MACROH2A1: variants seen among roughly 807,000 people sequenced by gnomAD.
MACROH2A1 encodes macroH2A.1 histone.
In MACROH2A1, 2 loss-of-function variants were observed where a neutral mutation model predicts 31.6. The observed-to-expected ratio is 0.06, with a 90% CI of 0.03 to 0.20. The LOEUF (loss-of-function observed/expected upper bound fraction) is 0.20, where lower values mean the gene tolerates loss of function less well. Among genes scored for constraint, MACROH2A1 ranks in the 10% least tolerant of loss-of-function variants. MACROH2A1 has a pLI of 1.00. For synonymous variants in MACROH2A1, 169 were observed against 189.6 expected (o/e 0.89, Z 0.89); for missense variants, 230 against 474.0 (o/e 0.49, Z 4.78).
At chr5:135,376,801 C>T (rs1013890509) in intron 2 of MACROH2A1, among the ~76,000 whole-genome samples, 5 of 152,160 alleles carry the variant, frequency 3.3e-5, no homozygotes, top group Admixed American at 2.0e-4. Flanking sequence ...TAAATTCAAG[C>T]TACTACTGTT....
At chr5:135,339,510 G>C (rs1371076028) in intron 8 of MACROH2A1, among the ~76,000 whole-genome samples, 2 of 152,184 alleles carry the variant, frequency 1.3e-5, no homozygotes, top group East Asian at 3.8e-4. Flanking sequence ...CAGCAGGAGA[G>C]GCTGTATCCT....
intron 5 of MACROH2A1, chr5:135,358,783 A>G (rs1434120520): frequency 1.0e-6 from 1 of 980,256 alleles, no homozygotes; most frequent in African/African-American, 1.8e-5. Context: ...TGAGTAGGGA[A>G]CAGTCATTAT....
Position 135,369,682 on chromosome 5 carries a change from C to G in MACROH2A1, c.280-79G>C. 8.3e-7 allele frequency: 1 copy of G among 1,201,554 alleles called. No individual in the cohort carries two copies. The highest frequency in any genetic ancestry group is 1.2e-6 in the Non-Finnish European group (1 of 815,956). The allele number at this position is 1,201,554 out of a possible 1,614,324, so 74.4% of individuals were successfully genotyped here. On this transcript the variant is annotated intron_variant, in intron 3 of 8. Coordinates refer to ENST00000511689, the MANE Select transcript of MACROH2A1 (RefSeq NM_138610.3). The surrounding 1 kb of genome is among the most constrained non-coding windows in gnomAD (Gnocchi z 4.3). ...TTCAAGAAGCCAGCCCTGCCCAGGA[C>G]AGTCTTGCTTTGGGTTGGTGCAGCT... is the stretch of plus-strand genomic sequence containing the variant.
chr5:135,345,367 G>A (rs1215309223), intron 7 of MACROH2A1: 1 of 152,334 alleles, frequency 6.6e-6, no homozygotes, highest in Non-Finnish European at 1.5e-5. Flanking sequence ...TCACACAGTT[G>A]GTGGGGGAGC....
At chr5:135,359,167 T>C (rs1581214381) in intron 5 of MACROH2A1, 3 of 985,338 alleles carry the variant, frequency 3.0e-6, no homozygotes, top group South Asian at 4.7e-5. Flanking sequence ...AACAAGAACA[T>C]AGGCAGGGGA....
intron 2 of MACROH2A1, 126 bp downstream of exon 2, chr5:135,388,796 C>T (rs530738924): frequency 1.3e-6 from 1 of 748,910 alleles, no homozygotes; most frequent in East Asian, 2.7e-5. Flanking sequence ...TCCTTGTACT[C>T]TTCTTGTAAC....
rs151154077 is a variant in MACROH2A1 at position 135,343,341 on chromosome 5, T to G, written c.872A>C (p.Glu291Ala). The change falls in exon 8 of 9, where the codon GAA (glutamate) becomes GCA (alanine). Residue 291 changes from glutamate to alanine, a missense_variant. Physicochemically the swap from Glu to Ala is moderately radical, Grantham distance 107. Transcript: ENST00000511689. ...GGCCAAGCAGTTTTTCACTGTCTTT[T>G]CCAGAAGTTCTTCACACTTGTCTGC... ...WGADKCEELL[E>A]KTVKNCLALA... is the part of the protein sequence containing the mutation. 2 of 1,614,238 alleles carry G rather than the reference T, an allele frequency of 1.2e-6. No homozygotes were observed. The highest frequency in any genetic ancestry group is 8.5e-7 in the Non-Finnish European group (1 of 1,180,034).
chr5:135,338,255 G>A (rs1759139635), intron 8 of MACROH2A1, among the ~76,000 whole-genome samples: 2 of 152,196 alleles, frequency 1.3e-5, no homozygotes, highest in African/African-American at 4.8e-5. Flanking sequence ...GAAGCAGAGT[G>A]GTTAAGAGCT....
chr5:135,344,015 T>TCAC (rs1486526758), intron 7 of MACROH2A1: 1 of 155,202 alleles, frequency 6.4e-6, no homozygotes, highest in Non-Finnish European at 1.4e-5. Context: ...GAGGATGGCC[T>TCAC]CACTGTGTGA....
At chr5:135,359,471 T>C in intron 5 of MACROH2A1, 1 of 983,386 alleles carries the variant, frequency 1.0e-6, no homozygotes, top group East Asian at 1.1e-4. Context: ...GCATACAAAA[T>C]ACAAAGAATG....
At chr5:135,381,817 C>T (rs1765691436) in intron 2 of MACROH2A1, among the ~76,000 whole-genome samples, 2 of 152,160 alleles carry the variant, frequency 1.3e-5, no homozygotes, top group African/African-American at 4.8e-5. Context: ...CATGAATTAA[C>T]AACATGACTG....
intron 4 of MACROH2A1, among the ~76,000 whole-genome samples, chr5:135,367,032 T>C (rs113024920): frequency 0.034 from 5,138 of 152,286 alleles, 308 homozygotes; most frequent in African/African-American, 0.12. Context: ...CTCCAAATTA[T>C]GTAGAATTGT....
intron 4 of MACROH2A1, chr5:135,362,191 T>C (rs1014448967): frequency 8.5e-5 from 13 of 152,202 alleles, no homozygotes; most frequent in African/African-American, 2.9e-4. Flanking sequence ...CAATACCTAA[T>C]TGAGTTAACA....
intron 2 of MACROH2A1, among the ~76,000 whole-genome samples, chr5:135,381,855 A>C (rs1391272466): frequency 1.3e-5 from 2 of 152,222 alleles, no homozygotes; most frequent in Non-Finnish European, 2.9e-5. Context: ...AGACAGAGTA[A>C]AATACTAACG....
intron 8 of MACROH2A1, among the ~76,000 whole-genome samples, chr5:135,340,041 A>AGTGTT (rs1486121781): frequency 6.6e-6 from 1 of 152,224 alleles, no homozygotes; most frequent in Non-Finnish European, 1.5e-5. Context: ...GTTCCCAGGT[A>AGTGTT]GTGTTTTATG....
At chr5:135,379,975 G>C (rs1406994372) in intron 2 of MACROH2A1, among the ~76,000 whole-genome samples, 3 of 152,130 alleles carry the variant, frequency 2.0e-5, no homozygotes, top group Non-Finnish European at 4.4e-5. Context: ...AGCAACAGCT[G>C]CCCTGCTGCA....
chr5:135,388,788 C>T lies in MACROH2A1; in HGVS notation c.172+134G>A, dbSNP rs1766784447. On this transcript the variant is annotated intron_variant, in intron 2 of 8. Coordinates refer to ENST00000511689, the MANE Select transcript of MACROH2A1 (RefSeq NM_138610.3). Reference sequence around the variant, plus strand: ...CTAGAGAATCTAGGTGAAAATGTTCCTTGTACTCTTCTTGTAACTTTTCTG... The same window carrying T: ...CTAGAGAATCTAGGTGAAAATGTTCTTTGTACTCTTCTTGTAACTTTTCTG... 5 of 682,012 alleles carry T rather than the reference C, an allele frequency of 7.3e-6. No homozygotes were observed. The Admixed American group carries it at 1.2e-4, about 17-fold the overall frequency. The allele number at this position is 682,012 out of a possible 1,614,324, so 42.2% of individuals were successfully genotyped here. A position where few individuals can be genotyped will look rare whatever the true frequency, so the allele number is the denominator to read the frequency against.
chr5:135,382,571 T>C (rs1765795236), intron 2 of MACROH2A1, among the ~76,000 whole-genome samples: 1 of 151,478 alleles, frequency 6.6e-6, no homozygotes, highest in Non-Finnish European at 1.5e-5. Context: ...AAAATCTAGA[T>C]GACTTCAGGT....
intron 6 of MACROH2A1, chr5:135,350,885 G>C (rs917214490): frequency 1.2e-6 from 2 of 1,612,418 alleles, no homozygotes; most frequent in Admixed American, 1.7e-5. Flanking sequence ...ACTGTCGATC[G>C]AGGCAATGTC....
Sources: gnomAD v4.1 joint callset for allele counts (sites outside exome capture counted in the v4.1 genomes callset) on GRCh38, gnomAD v4.1.1 for gene constraint, Gnocchi (gnomAD v3.1) non-coding constraint, MANE v1.5 for transcripts, NCBI Gene and HGNC (gene_info 2026-07-23, HGNC 2026-07-21) for gene names.